STARD13: variants seen among roughly 807,000 people sequenced by gnomAD.
STARD13 encodes the protein stAR-related lipid transfer protein 13.
A neutral mutation model predicts 106.4 loss-of-function variants in STARD13; 62 were observed. That is an observed-to-expected ratio of 0.58 (90% CI 0.48 to 0.72). The LOEUF is 0.72. Ranked by LOEUF, STARD13 falls within the 30% of genes least tolerant of loss-of-function variation. The probability of loss-of-function intolerance (pLI) is 0.00; values close to 1 mark genes in which losing one functional copy is unlikely to be tolerated. For missense variants in STARD13, 1,387 were observed against 1,424.0 expected (o/e 0.97, Z 0.42); for synonymous variants, 565 against 553.0 (o/e 1.02, Z -0.31).
At chr13:33,479,468 C>G in the STARD13 span, among the ~76,000 whole-genome samples, 3 of 152,150 alleles carry the variant, frequency 2.0e-5, no homozygotes, top group Non-Finnish European at 4.4e-5. Flanking sequence ...CTAAAAGAGT[C>G]AAACATATGT....
At chr13:33,119,115 C>G (rs765319553) in intron 7 of STARD13, among the ~76,000 whole-genome samples, 6 of 152,126 alleles carry the variant, frequency 3.9e-5, no homozygotes, top group African/African-American at 7.2e-5. Context: ...GAATGAAGAT[C>G]CTGCAATGGT....
At chr13:33,563,008 A>G in the STARD13 span, among the ~76,000 whole-genome samples, 1 of 146,992 alleles carries the variant, frequency 6.8e-6, no homozygotes, top group African/African-American at 2.5e-5. Context: ...CACAAATGAT[A>G]TAAGTTACCT....
At chr13:33,319,272 A>G (rs964652919) in intron 1 of STARD13, among the ~76,000 whole-genome samples, 7 of 152,214 alleles carry the variant, frequency 4.6e-5, no homozygotes, top group African/African-American at 1.7e-4. Flanking sequence ...AAAACATGCT[A>G]AGTGAAAGAT....
the STARD13 span, among the ~76,000 whole-genome samples, chr13:33,662,413 T>C: frequency 1.3e-5 from 2 of 152,204 alleles, no homozygotes; most frequent in Non-Finnish European, 2.9e-5. Flanking sequence ...ATTTGCTTTG[T>C]TTTGAAAATG....
intron 1 of STARD13, among the ~76,000 whole-genome samples, chr13:33,322,515 A>G (rs1034310692): frequency 6.6e-6 from 1 of 152,256 alleles, no homozygotes; most frequent in Non-Finnish European, 1.5e-5. Context: ...TGTTTTCTCC[A>G]AATGAAACTT....
downstream of STARD13, among the ~76,000 whole-genome samples, chr13:33,344,144 A>AC (rs755333157): frequency 1.3e-5 from 2 of 152,128 alleles, no homozygotes; most frequent in African/African-American, 2.4e-5. Context: ...GGATACCAAG[A>AC]CCCCATCTGA....
chr13:33,632,278 T>C, the STARD13 span, among the ~76,000 whole-genome samples: 1 of 152,322 alleles, frequency 6.6e-6, no homozygotes, highest in East Asian at 1.9e-4. Context: ...ATGGAAAATG[T>C]TCCGGTACAT....
At chr13:33,188,392 T>C (rs1885961606) in intron 1 of STARD13, 1 of 152,160 alleles carries the variant, frequency 6.6e-6, no homozygotes, top group African/African-American at 2.4e-5. Flanking sequence ...ATGGGAATAG[T>C]GAACATTGAA....
chr13:33,475,509 A>G, the STARD13 span, among the ~76,000 whole-genome samples: 114 of 152,330 alleles, frequency 7.5e-4, 3 homozygotes, highest in East Asian at 0.019. Context: ...AATACAATAA[A>G]GCATACCAGC....
At chr13:33,663,593 G>A in the STARD13 span, among the ~76,000 whole-genome samples, 4 of 152,108 alleles carry the variant, frequency 2.6e-5, no homozygotes, top group African/African-American at 9.7e-5. Context: ...AAAATAGTAG[G>A]AAAAGAATTA....
At chr13:33,663,929 C>T in the STARD13 span, among the ~76,000 whole-genome samples, 394 of 152,306 alleles carry the variant, frequency 2.6e-3, 3 homozygotes, top group African/African-American at 8.8e-3. Flanking sequence ...CGACTCTTTC[C>T]GTAATGACCA....
the STARD13 span, among the ~76,000 whole-genome samples, chr13:33,577,434 G>T: frequency 2.0e-5 from 3 of 152,120 alleles, no homozygotes; most frequent in African/African-American, 7.2e-5. Context: ...GCCTTTTCCT[G>T]TATGTAAATT....
chr13:33,409,607 T>G, the STARD13 span, among the ~76,000 whole-genome samples: 1 of 152,226 alleles, frequency 6.6e-6, no homozygotes, highest in Non-Finnish European at 1.5e-5. Flanking sequence ...TTAAGTACGT[T>G]TTTCTACTGC....
the STARD13 span, among the ~76,000 whole-genome samples, chr13:33,542,435 A>T: frequency 6.6e-6 from 1 of 152,378 alleles, no homozygotes; most frequent in Middle Eastern, 3.4e-3. Context: ...GGCGGGATTT[A>T]AAACAAAACC....
At chr13:33,310,487 A>T (rs556588474) in intron 1 of STARD13, among the ~76,000 whole-genome samples, 1 of 152,254 alleles carries the variant, frequency 6.6e-6, no homozygotes, top group East Asian at 1.9e-4. Context: ...TTAATAAAAC[A>T]CTGCCAACTC....
the STARD13 span, among the ~76,000 whole-genome samples, chr13:33,459,498 T>A: frequency 6.6e-6 from 1 of 152,232 alleles, no homozygotes; most frequent in Non-Finnish European, 1.5e-5. Flanking sequence ...GTCTACTCAT[T>A]TGTCTGCTGA....
intron 10 of STARD13, among the ~76,000 whole-genome samples, 154 bp from the exon 11 acceptor site, chr13:33,111,061 G>A (rs534793646): frequency 6.6e-6 from 1 of 152,222 alleles, no homozygotes; most frequent in Non-Finnish European, 1.5e-5. Context: ...TGCCAAGGCC[G>A]GGAGGGGCCT....
the STARD13 span, among the ~76,000 whole-genome samples, chr13:33,356,982 C>T: frequency 6.6e-6 from 1 of 152,214 alleles, no homozygotes; most frequent in Admixed American, 6.5e-5. Context: ...GTTCTACCTA[C>T]CCTGCTCATA....
At chr13:33,667,122 C>T in the STARD13 span, among the ~76,000 whole-genome samples, 11 of 152,204 alleles carry the variant, frequency 7.2e-5, no homozygotes, top group Non-Finnish European at 1.5e-4. Context: ...TCCTCTCTGA[C>T]CACATTGTTC....
Sources: gnomAD v4.1 joint callset for allele counts (sites outside exome capture counted in the v4.1 genomes callset) on GRCh38, gnomAD v4.1.1 for gene constraint, MANE v1.5 for transcripts, NCBI Gene and HGNC (gene_info 2026-07-23, HGNC 2026-07-21) for gene names.